CIC: variants seen among roughly 807,000 people sequenced by gnomAD.
CIC encodes the protein capicua transcriptional repressor.
In CIC, 18 loss-of-function variants were observed where a neutral mutation model predicts 115.7. The observed-to-expected ratio is 0.16, with a 90% confidence interval of 0.11 to 0.23. The LOEUF is 0.23. Among genes scored for constraint, CIC ranks in the 10% least tolerant of loss-of-function variants. The pLI, the probability that CIC is intolerant of heterozygous loss-of-function variation, is 1.00. For missense variants in CIC, 2,000 were observed against 2,159.3 expected (o/e 0.93, Z 1.46); for synonymous variants, 1,076 against 923.0 (o/e 1.17, Z -3.01).
chr19:42,270,099 G>T lies in CIC; in HGVS notation c.-11+718G>T, dbSNP rs1300313053. Among the ~76,000 whole-genome samples, 3 of 152,276 alleles carry T rather than the reference G, an allele frequency of 2.0e-5. No homozygotes were observed. The highest frequency in any genetic ancestry group is 4.4e-5 in the Non-Finnish European group (3 of 67,996). On this transcript the variant is annotated intron_variant, in intron 1 of 20. Transcript: ENST00000681038. This position sits in a 1 kb window ranked among gnomAD's most constrained non-coding sequence, Gnocchi z 4.1. ...CCAGGCGGCATAGTTGTAGGCCCTG[G>T]GTGGGGTATGCAAAGGTTTGTGCTT...
intron 2 of CIC, among the ~76,000 whole-genome samples, chr19:42,278,267 A>C (rs2037069208): frequency 6.6e-6 from 1 of 152,228 alleles, no homozygotes. Flanking sequence ...AGGAGGCCAG[A>C]TGTCTCAGCC....
rs376984300 is a variant in CIC at position 42,289,297 on chromosome 19, G to A, written c.3978G>A (p.Pro1326=). The A allele has an allele frequency of 5.5e-5, 89 of 1,613,830 alleles. No homozygotes were observed. The South Asian group carries it at 7.8e-4, about 14-fold the overall frequency. The change falls in exon 9 of 21, where the codon CCG becomes CCA. Residue 1326 remains proline (P), a synonymous_variant. Coordinates refer to ENST00000681038, the MANE Select transcript of CIC (RefSeq NM_001386298.1). The part of the protein sequence containing the change: ...GGALAATGRP[P]LLPTRASRSQ... ...CCTTGGCGGCCACTGGGCGGCCCCCGCTGCTGCCCACCCGAGCTTCTCGTT... is the reference window on the plus strand; with the variant it reads ...CCTTGGCGGCCACTGGGCGGCCCCCACTGCTGCCCACCCGAGCTTCTCGTT...
rs2147322875 is a variant in CIC at position 42,293,181 on chromosome 19, C to T, written c.6422C>T (p.Pro2141Leu). 1.2e-6 allele frequency: 2 copies of T among 1,602,462 alleles called. No individual in the cohort carries two copies. Among genetic ancestry groups the T allele is most frequent in the Non-Finnish European group, 1.7e-6 (2 of 1,175,416 alleles). Residue 2141 changes from proline to leucine, a missense_variant, in exon 16 of 21, where the codon CCT (proline) becomes CTT (leucine). This residue lies in a region of CIC where 1,466 missense variants were observed against 1,390.4 expected (regional missense o/e 1.05). Coordinates refer to ENST00000681038, the MANE Select transcript of CIC (RefSeq NM_001386298.1). Reference sequence around the variant, plus strand: ...GAGGGGCAGCCCACACCACCAGCCCCTCCACCCCTGCCAGAGACCTGGACT... The same window carrying T: ...GAGGGGCAGCCCACACCACCAGCCCTTCCACCCCTGCCAGAGACCTGGACT... The part of the protein sequence containing the change: ...ELEGQPTPPA[P>L]PPLPETWTPT...
Position 42,273,195 on chromosome 19 carries a change from G to A in CIC, c.1412G>A (p.Arg471His), listed in dbSNP as rs776782007. The A allele has an allele frequency of 1.0e-5, 4 of 398,528 alleles. No homozygotes were observed. The highest frequency in any genetic ancestry group is 3.6e-5 in the East Asian group (1 of 28,066). 24.7% of individuals were successfully genotyped at this position (398,528 alleles called of 1,614,324 possible). ...GGGACAGCACCGGCAGCCCGGGCCC[G>A]CACGCCACTGACAGCCGCCCAGCAG... ...EKGTAPAARA[R>H]TPLTAAQQKY... The change falls in exon 2 of 21, where the codon CGC becomes CAC. Residue 471 changes from arginine (R) to histidine (H), a missense_variant. Physicochemically the swap from Arg to His is conservative, Grantham distance 29. This residue lies in a region of CIC where 222 missense variants were observed against 247.7 expected (regional missense o/e 0.90). Transcript: ENST00000681038.
chr19:42,288,104 A>C (rs2037786752), intron 7 of CIC, 129 bp downstream of exon 7: 7 of 1,035,866 alleles, frequency 6.8e-6, no homozygotes, highest in Admixed American at 2.1e-5. Context: ...GGCGACCCTT[A>C]TCCGTAAAGG....
rs1352659499 is a variant in CIC, at chr19:42,270,884, C to T, written c.-10-890C>T. On this transcript the variant is annotated intron_variant, in intron 1 of 20. Transcript: ENST00000681038. The surrounding 1 kb of genome is among the most constrained non-coding windows in gnomAD (Gnocchi z 4.1). Reference sequence around the variant, plus strand: ...GCGCGTGCGTGTGCTCATGCACGGCCCCGTGGCAGTGCTGGGTATGAGCTC... The same window carrying T: ...GCGCGTGCGTGTGCTCATGCACGGCTCCGTGGCAGTGCTGGGTATGAGCTC... Among the ~76,000 whole-genome samples, 1 of 152,102 alleles carries T rather than the reference C, an allele frequency of 6.6e-6. No homozygotes were observed. The highest frequency in any genetic ancestry group is 6.5e-5 in the Admixed American group (1 of 15,276).
intron 2 of CIC, among the ~76,000 whole-genome samples, chr19:42,285,091 C>G (rs2037537066): frequency 6.6e-6 from 1 of 152,040 alleles, no homozygotes; most frequent in Admixed American, 6.5e-5. Flanking sequence ...CCTGCTGGTC[C>G]TAGGGGAGGA....
chr19:42,276,160 GT>G (rs2036969101), intron 2 of CIC, among the ~76,000 whole-genome samples: 1 of 152,264 alleles, frequency 6.6e-6, no homozygotes, highest in Non-Finnish European at 1.5e-5. Context: ...AGAGGAAAGA[GT>G]TTGTGCAAAG....
intron 17 of CIC, 40 bp downstream of exon 17, chr19:42,293,876 G>A: frequency 6.2e-7 from 1 of 1,613,162 alleles, no homozygotes; most frequent in Non-Finnish European, 8.5e-7. Context: ...GTGTTAGGGT[G>A]GCGGGAGTGG....
At chr19:42,293,491 AG>A in intron 16 of CIC, 100 bp from the exon 17 acceptor site, 1 of 1,582,496 alleles carries the variant, frequency 6.3e-7, no homozygotes, top group Non-Finnish European at 8.6e-7. Context: ...AGCCTTCTCA[AG>A]GGGTCTGCTG....
Position 42,294,088 on chromosome 19 carries a change from G to C in CIC, c.6921G>C (p.Thr2307=), listed in dbSNP as rs767872060. The C allele has an allele frequency of 3.1e-6, 5 of 1,613,484 alleles. No homozygotes were observed. In the African/African-American group the frequency reaches 6.7e-5, roughly 22 times the overall value. ...GSYRKKRKNS[T]DLDSAPEDPT... The stretch of plus-strand genomic sequence containing the variant: ...ACCGCAAGAAGAGGAAGAACTCCAC[G>C]GGTAGGCGAGCATTGGGCACCCAGG... Residue 2307 remains threonine (T), a splice_region_variant and synonymous_variant, in exon 18 of 21, where the codon ACG becomes ACC. Coordinates refer to ENST00000681038, the MANE Select transcript of CIC (RefSeq NM_001386298.1).
In CIC at chr19:42,290,497, G is replaced by GGGGC; in HGVS notation, c.4457_4460dup (p.Gly1489TrpfsTer111). ...GGGCCCCCTACGGCCCCCACCCCCT[G>GGGGC]GGGCTGGGGGTCCAGCGACACCTTC... On this transcript the variant is annotated frameshift_variant, in exon 11 of 21. Transcript: ENST00000681038. LOFTEE classifies it high-confidence loss of function. The GGGGC allele has an allele frequency of 6.2e-7, 1 of 1,613,522 alleles. No individual in the cohort carries two copies. The highest frequency in any genetic ancestry group is 8.5e-7 in the Non-Finnish European group (1 of 1,179,880).
At position 42,295,464 on chromosome 19, in the gene CIC, A is replaced by G. The variant is rs964402053; in HGVS notation, c.*273A>G. 1.4e-5 allele frequency: 6 copies of G among 419,544 alleles called. No individual in the cohort carries two copies. The highest frequency in any genetic ancestry group is 8.4e-5 in the East Asian group (2 of 23,820). 26.0% of individuals were successfully genotyped at this position (419,544 alleles called of 1,614,324 possible). A position where few individuals can be genotyped will look rare whatever the true frequency, so the allele number is the denominator to read the frequency against. ...CCTTCAGAGCTTTTCACTTTATGCAAAATGGCTCCTGTGAGGGCTGCAAGC... is the reference window on the plus strand; with the variant it reads ...CCTTCAGAGCTTTTCACTTTATGCAGAATGGCTCCTGTGAGGGCTGCAAGC... On this transcript the variant is annotated 3_prime_UTR_variant, in exon 21 of 21. Coordinates refer to ENST00000681038, the MANE Select transcript of CIC (RefSeq NM_001386298.1).
In CIC at chr19:42,294,840, C is replaced by T. The variant is rs542690410; in HGVS notation, c.7203C>T (p.Ala2401=). The change falls in exon 21 of 21, where the codon GCC becomes GCT. Residue 2401 remains alanine (A), a synonymous_variant. Coordinates refer to ENST00000681038, the MANE Select transcript of CIC (RefSeq NM_001386298.1). ...TATCTCCAGCCCAGGCCACAGCCGC[C>T]TTCCAGGCCCGCTATGCAGACATCT... ...GFFPSAQATA[A]FQARYADIFP... 4 of 1,601,920 alleles carry T rather than the reference C, an allele frequency of 2.5e-6. No individual in the cohort carries two copies. The African/African-American group carries it at 5.3e-5, about 21-fold the overall frequency.
At chr19:42,293,865 C>T (rs776632830) in intron 17 of CIC, 29 bp downstream of exon 17, 20 of 1,612,902 alleles carry the variant, frequency 1.2e-5, no homozygotes, top group Admixed American at 3.3e-5. Flanking sequence ...CTTGGTGGAG[C>T]GTGTTAGGGT....
In CIC at chr19:42,294,298, C is replaced by T. The variant is rs142012810; in HGVS notation, c.7048C>T (p.Arg2350Cys). 6.2e-7 allele frequency: 1 copy of T among 1,613,128 alleles called. No individual in the cohort carries two copies. Residue 2350 changes from arginine to cysteine, a missense_variant, in exon 19 of 21, where the codon CGT (arginine) becomes TGT (cysteine). Physicochemically the swap from Arg to Cys is radical, Grantham distance 180. Around this residue, in one of 8 missense-constraint regions of CIC, gnomAD observed 99 missense variants for 217.6 expected, o/e 0.45. Coordinates refer to ENST00000681038, the MANE Select transcript of CIC (RefSeq NM_001386298.1). ...CGAGGGGGACATCTTCACCTTTGAC[C>T]GTACAGGTGCCGTGGTGGGCAGAAC... ...KCEGDIFTFDRTGTEAEDVLG... is the reference protein window; with the variant it reads ...KCEGDIFTFDCTGTEAEDVLG...
rs891723299 is a variant in CIC at position 42,290,636 on chromosome 19, G to A, written c.4595G>A (p.Gly1532Glu). The A allele has an allele frequency of 7.4e-6, 12 of 1,613,536 alleles. No individual in the cohort carries two copies. Among genetic ancestry groups the A allele is most frequent in the Non-Finnish European group, 1.0e-5 (12 of 1,179,986 alleles). Residue 1532 changes from glycine (G) to glutamate (E), a missense_variant, in exon 11 of 21, where the codon GGA (glycine) becomes GAA (glutamate). Physicochemically the swap from Gly to Glu is moderately conservative, Grantham distance 98 (BLOSUM62 -2). Coordinates refer to ENST00000681038, the MANE Select transcript of CIC (RefSeq NM_001386298.1). ...TCAGTCATCGCGGCCCCTCCCAGCG[G>A]AGGAGGAAACATCCTGCAGACACTG... ...GPSVIAAPPS[G>E]GGNILQTLVL...
In CIC at chr19:42,290,328, T is replaced by G. The variant is rs772166681; in HGVS notation, c.4287T>G (p.Pro1429=). The G allele has an allele frequency of 2.5e-6, 4 of 1,613,948 alleles. No homozygotes were observed. The highest frequency in any genetic ancestry group is 3.4e-6 in the Non-Finnish European group (4 of 1,179,940). ...CTGAGCCCCCAGGGCCCCCGGATCC[T>G]CCTGTAGCCTTTGGCAAAGGCTATG... The part of the protein sequence containing the change: ...LDPEPPGPPD[P]PVAFGKGYGS... Residue 1429 remains proline, a synonymous_variant, in exon 11 of 21, where the codon CCT becomes CCG. Transcript: ENST00000681038.
intron 2 of CIC, chr19:42,284,906 G>GCT (rs2037517971): frequency 2.5e-6 from 2 of 815,858 alleles, no homozygotes; most frequent in Non-Finnish European, 4.0e-6. Flanking sequence ...AAGTTACGGA[G>GCT]CTCGGCCGGG....
Sources: allele counts gnomAD v4.1 joint callset (sites outside exome capture counted in the v4.1 genomes callset), GRCh38; gene constraint gnomAD v4.1.1; regional missense constraint gnomAD v4.1.1; non-coding constraint Gnocchi (gnomAD v3.1); transcripts MANE v1.5; gene names NCBI Gene and HGNC (gene_info 2026-07-23, HGNC 2026-07-21).